Variants in CFAP299 observed in about 807,000 individuals in gnomAD.
CFAP299 encodes the protein cilia and flagella associated protein 299.
Under a neutral mutation model 27.0 loss-of-function variants are expected in CFAP299, and 21 were observed. That is an observed-to-expected ratio of 0.78 (90% CI 0.55 to 1.12). CFAP299 has a LOEUF of 1.12. Ranked by LOEUF, CFAP299 falls within the 50% of genes most tolerant of loss-of-function variation. The probability of loss-of-function intolerance (pLI) is 0.00; values close to 1 mark genes in which losing one functional copy is unlikely to be tolerated. For missense variants in CFAP299, 310 were observed against 276.6 expected (o/e 1.12, Z -0.86); for synonymous variants, 104 against 98.1 (o/e 1.06, Z -0.36).
intron 3 of CFAP299, among the ~76,000 whole-genome samples, chr4:80,709,551 G>A (rs752290685): frequency 6.6e-6 from 1 of 152,118 alleles, no homozygotes; most frequent in African/African-American, 2.4e-5. Context: ...CCCCTTAGGA[G>A]TTCAGATGCT....
chr4:80,737,891 C>T (rs987240319), intron 3 of CFAP299, among the ~76,000 whole-genome samples: 3 of 152,120 alleles, frequency 2.0e-5, no homozygotes, highest in Non-Finnish European at 4.4e-5. Flanking sequence ...CTTAGTACTG[C>T]TTTCACTGTA....
chr4:80,421,634 T>C (rs1013038419), intron 2 of CFAP299, among the ~76,000 whole-genome samples: 1 of 152,306 alleles, frequency 6.6e-6, no homozygotes, highest in Middle Eastern at 3.4e-3. Context: ...TAACGTACAC[T>C]AAGTTAGTTT....
intron 3 of CFAP299, among the ~76,000 whole-genome samples, chr4:80,869,284 A>G (rs1191971495): frequency 2.0e-5 from 3 of 152,142 alleles, no homozygotes; most frequent in South Asian, 2.1e-4. Context: ...AAAGAATGCT[A>G]GTTTCTCCTG....
At chr4:80,917,515 A>G (rs1735825132) in intron 4 of CFAP299, among the ~76,000 whole-genome samples, 1 of 152,156 alleles carries the variant, frequency 6.6e-6, no homozygotes, top group African/African-American at 2.4e-5. Flanking sequence ...TTACTTACAC[A>G]AGTATTGGAA....
intron 3 of CFAP299, among the ~76,000 whole-genome samples, chr4:80,773,869 G>A (rs911241435): frequency 2.0e-5 from 3 of 151,796 alleles, no homozygotes; most frequent in African/African-American, 7.3e-5. Flanking sequence ...TTATATTTTG[G>A]AGTTTAATAT....
At chr4:80,435,555 G>A (rs1489207743) in intron 2 of CFAP299, among the ~76,000 whole-genome samples, 2 of 152,220 alleles carry the variant, frequency 1.3e-5, no homozygotes, top group African/African-American at 4.8e-5. Context: ...GGACCAGCAA[G>A]AAGCAGGCTA....
chr4:80,482,596 AC>A (rs945969684), intron 2 of CFAP299, among the ~76,000 whole-genome samples: 3 of 152,160 alleles, frequency 2.0e-5, no homozygotes, highest in African/African-American at 7.2e-5. Flanking sequence ...AGGTAGCATT[AC>A]TATATTGTTT....
At chr4:80,808,240 C>A (rs925573931) in intron 3 of CFAP299, among the ~76,000 whole-genome samples, 2 of 152,030 alleles carry the variant, frequency 1.3e-5, no homozygotes, top group African/African-American at 4.8e-5. Flanking sequence ...ACCATTTTGA[C>A]AAAACCATGT....
intron 3 of CFAP299, among the ~76,000 whole-genome samples, chr4:80,603,958 A>C (rs1026280637): frequency 1.3e-5 from 2 of 152,148 alleles, no homozygotes; most frequent in African/African-American, 4.8e-5. Context: ...TTAATACAAC[A>C]TGTTACCTCA....
chr4:80,564,640 T>C (rs1735194635), intron 2 of CFAP299, among the ~76,000 whole-genome samples: 1 of 151,906 alleles, frequency 6.6e-6, no homozygotes, highest in Non-Finnish European at 1.5e-5. Flanking sequence ...GTCACCACTG[T>C]TATTGAACGT....
chr4:80,419,617 G>A (rs1183680054), intron 2 of CFAP299, among the ~76,000 whole-genome samples: 4 of 152,032 alleles, frequency 2.6e-5, no homozygotes, highest in African/African-American at 4.8e-5. Flanking sequence ...TACAGAGACC[G>A]TTAACAATCA....
intron 2 of CFAP299, among the ~76,000 whole-genome samples, chr4:80,506,772 G>A (rs1578529599): frequency 6.6e-6 from 1 of 152,088 alleles, no homozygotes; most frequent in East Asian, 1.9e-4. Context: ...GATCTGAAAA[G>A]CAAATTGATG....
chr4:80,386,479 G>A (rs376732673), intron 2 of CFAP299: 89 of 1,540,636 alleles, frequency 5.8e-5, no homozygotes, highest in Non-Finnish European at 4.8e-5. Flanking sequence ...CTGCCGCCAC[G>A]GCGCGGGGCT....
At chr4:80,662,222 A>C (rs1046350767) in intron 3 of CFAP299, among the ~76,000 whole-genome samples, 11 of 152,156 alleles carry the variant, frequency 7.2e-5, no homozygotes, top group African/African-American at 2.6e-4. Flanking sequence ...TTTGAAAATC[A>C]CTAATAAAAA....
At chr4:80,632,317 C>T (rs2109948649) in intron 3 of CFAP299, among the ~76,000 whole-genome samples, 1 of 151,864 alleles carries the variant, frequency 6.6e-6, no homozygotes, top group South Asian at 2.1e-4. Context: ...TTATAATTTC[C>T]CCTCTTCTTC....
chr4:80,819,706 G>A (rs143969773), intron 3 of CFAP299, among the ~76,000 whole-genome samples: 5 of 152,086 alleles, frequency 3.3e-5, no homozygotes, highest in Non-Finnish European at 5.9e-5. Context: ...GATCAATGGG[G>A]GAACAGCCCA....
At chr4:80,891,026 C>T (rs1414866872) in intron 4 of CFAP299, among the ~76,000 whole-genome samples, 165 of 151,974 alleles carry the variant, frequency 1.1e-3, no homozygotes, top group African/African-American at 2.9e-3. Flanking sequence ...TTCACTCTGA[C>T]GGTAGTTTCT....
chr4:80,811,284 A>G (rs28623140), intron 3 of CFAP299, among the ~76,000 whole-genome samples: 8,881 of 152,144 alleles, frequency 0.058, 375 homozygotes, highest in East Asian at 0.22. Context: ...AAATATACCT[A>G]ATCTATTTAC....
chr4:80,417,778 G>GTA (rs1327952365), intron 2 of CFAP299, among the ~76,000 whole-genome samples: 2 of 152,064 alleles, frequency 1.3e-5, no homozygotes, highest in African/African-American at 4.8e-5. Flanking sequence ...CTGCTCTTCT[G>GTA]TATATATATA....
Sources: allele counts gnomAD v4.1 joint callset (sites outside exome capture counted in the v4.1 genomes callset), GRCh38; gene constraint gnomAD v4.1.1; transcripts MANE v1.5; gene names NCBI Gene and HGNC (gene_info 2026-07-23, HGNC 2026-07-21).